The following FBLN1 variants were observed in gnomAD, a reference collection of about 807,000 sequenced individuals.
FBLN1 encodes the protein fibulin 1.
FBLN1 carries 34 observed loss-of-function variants against 89.7 expected under a neutral mutation model. The observed-to-expected ratio is 0.38, with a 90% CI of 0.29 to 0.50. The LOEUF is 0.50. Ranked by LOEUF, FBLN1 falls within the 20% of genes least tolerant of loss-of-function variation. The probability of loss-of-function intolerance (pLI) is 0.92; values close to 1 mark genes in which losing one functional copy is unlikely to be tolerated. For synonymous variants in FBLN1, 393 were observed against 391.3 expected (o/e 1.00, Z -0.05); for missense variants, 777 against 988.1 (o/e 0.79, Z 2.86).
intron 8 of FBLN1, 91 bp from the exon 9 acceptor site, chr22:45,541,138 T>A: frequency 6.5e-7 from 1 of 1,537,298 alleles, no homozygotes; most frequent in Non-Finnish European, 9.0e-7. Flanking sequence ...TGCAAAGAGG[T>A]GGGAAGGGGA....
rs2088666315 is a variant in FBLN1 at position 45,548,888 on chromosome 22, A to G, written c.1573+144A>G. ...GAATGCATTCAGGAAAAGGAGGCCCACCCCATCCAAGGGGTGTCCTGGGGT... is the reference window on the plus strand; with the variant it reads ...GAATGCATTCAGGAAAAGGAGGCCCGCCCCATCCAAGGGGTGTCCTGGGGT... On this transcript the variant is annotated intron_variant, in intron 13 of 16. Coordinates refer to ENST00000327858, the MANE Select transcript of FBLN1 (RefSeq NM_006486.3). 2.1e-5 allele frequency: 28 copies of G among 1,333,792 alleles called. No individual in the cohort carries two copies. In the South Asian group the frequency reaches 2.6e-4, roughly 12 times the overall value. 82.6% of individuals were successfully genotyped at this position (1,333,792 alleles called of 1,614,324 possible).
intron 14 of FBLN1, chr22:45,565,891 G>A (rs8141789): frequency 0.061 from 9,421 of 154,046 alleles, 963 homozygotes; most frequent in African/African-American, 0.21. Flanking sequence ...GAGAAACCCC[G>A]TCTCTACCAA....
intron 1 of FBLN1, among the ~76,000 whole-genome samples, chr22:45,506,619 G>A (rs1379117880): frequency 6.6e-6 from 1 of 152,206 alleles, no homozygotes; most frequent in African/African-American, 2.4e-5. Flanking sequence ...GAGGATGGGG[G>A]AAAGGGTGTT....
At chr22:45,519,791 G>A (rs1039871478) in intron 2 of FBLN1, among the ~76,000 whole-genome samples, 1 of 152,210 alleles carries the variant, frequency 6.6e-6, no homozygotes, top group Admixed American at 6.5e-5. Flanking sequence ...GGCTGGGGAG[G>A]TGGACCAACC....
intron 14 of FBLN1, among the ~76,000 whole-genome samples, chr22:45,568,528 T>TCTTCTGTAGGGGAGTGCTC (rs1569260098): frequency 2.6e-5 from 3 of 116,218 alleles, no homozygotes; most frequent in East Asian, 2.5e-4. Flanking sequence ...GGGGAATGCC[T>TCTTCTGTAGGGGAGTGCTC]CTTCTGTAGG....
In FBLN1 at chr22:45,530,297, C is replaced by G. The variant is rs189016712; in HGVS notation, c.485-968C>G. Among the ~76,000 whole-genome samples the G allele has an allele frequency of 6.6e-5, 10 of 151,962 alleles. No homozygotes were observed. Among genetic ancestry groups the G allele is most frequent in the Non-Finnish European group, 1.2e-4 (8 of 68,000 alleles). Reference sequence around the variant, plus strand: ...GATTTTCACTGATTTATGTCTGCAGCGTGAGCAGTCTCTGGGCTTTTCTGC... The same window carrying G: ...GATTTTCACTGATTTATGTCTGCAGGGTGAGCAGTCTCTGGGCTTTTCTGC... On this transcript the variant is annotated intron_variant, in intron 4 of 16. Transcript: ENST00000327858. The surrounding 1 kb of genome is among the most constrained non-coding windows in gnomAD (Gnocchi z 5.4).
In FBLN1 at chr22:45,550,235, T is replaced by C. The variant is rs1030345492; in HGVS notation, c.1574-257T>C. Among the ~76,000 whole-genome samples, 4 of 152,232 alleles carry C rather than the reference T, an allele frequency of 2.6e-5. No individual in the cohort carries two copies. The highest frequency in any genetic ancestry group is 6.5e-5 in the Admixed American group (1 of 15,280). On this transcript the variant is annotated intron_variant, in intron 13 of 16. Coordinates refer to ENST00000327858, the MANE Select transcript of FBLN1 (RefSeq NM_006486.3). This position sits in a 1 kb window ranked among gnomAD's most constrained non-coding sequence, Gnocchi z 8.4. ...TGCGAGGTACTCCCAGGACCCATCA[T>C]GTAGTGTTTACTTTTACCATCGTCA...
intron 14 of FBLN1, among the ~76,000 whole-genome samples, chr22:45,569,436 C>G (rs138205009): frequency 6.6e-6 from 1 of 152,066 alleles, no homozygotes; most frequent in Non-Finnish European, 1.5e-5. Context: ...GTCAAGAGTT[C>G]GAGACCAGCC....
intron 2 of FBLN1, among the ~76,000 whole-genome samples, chr22:45,520,097 G>C (rs2088229291): frequency 6.6e-6 from 1 of 152,214 alleles, no homozygotes; most frequent in Non-Finnish European, 1.5e-5. Flanking sequence ...TTGAACCCGG[G>C]AAGCGGAGGT....
intron 1 of FBLN1, among the ~76,000 whole-genome samples, chr22:45,513,107 C>T (rs1040507252): frequency 7.9e-5 from 12 of 152,128 alleles, no homozygotes; most frequent in Non-Finnish European, 1.6e-4. Flanking sequence ...TAAATTAATT[C>T]GCTTGACACT....
chr22:45,567,075 G>T (rs1267282045), intron 14 of FBLN1, among the ~76,000 whole-genome samples: 1 of 152,234 alleles, frequency 6.6e-6, no homozygotes, highest in Admixed American at 6.5e-5. Context: ...TTCCACAGCT[G>T]GTTTCCAGTG....
Position 45,600,738 on chromosome 22 carries a change from A to T in FBLN1, c.*292A>T. 1 of 456,068 alleles carries T rather than the reference A, an allele frequency of 2.2e-6. No homozygotes were observed. The highest frequency in any genetic ancestry group is 4.0e-6 in the Non-Finnish European group (1 of 247,452). The allele number at this position is 456,068 out of a possible 1,614,324, so 28.3% of individuals were successfully genotyped here. A position where few individuals can be genotyped will look rare whatever the true frequency, so the allele number is the denominator to read the frequency against. ...CTCTGGCTGGGCCTTGCTAAGGGCC[A>T]AGGAAAGAAAGACATTTTTTAGGGG... On this transcript the variant is annotated 3_prime_UTR_variant, in exon 17 of 17. Coordinates refer to ENST00000327858, the MANE Select transcript of FBLN1 (RefSeq NM_006486.3).
intron 16 of FBLN1, among the ~76,000 whole-genome samples, chr22:45,595,926 A>G (rs566819244): frequency 7.2e-5 from 11 of 152,222 alleles, no homozygotes; most frequent in African/African-American, 1.9e-4. Flanking sequence ...CTAGAGTGCA[A>G]TGGCGCGATC....
intron 1 of FBLN1, among the ~76,000 whole-genome samples, chr22:45,507,709 G>T (rs1602156840): frequency 6.6e-6 from 1 of 152,180 alleles, no homozygotes; most frequent in East Asian, 1.9e-4. Context: ...TGTATTTTTA[G>T]TAGAGATGTA....
chr22:45,527,821 T>TCTGGGATCTCCAC, intron 3 of FBLN1, 26 bp from the exon 4 acceptor site: 1 of 1,612,964 alleles, frequency 6.2e-7, no homozygotes, highest in Non-Finnish European at 8.5e-7. Context: ...CGCTCCTCCA[T>TCTGGGATCTCCAC]CTGGGATCTC....
intron 2 of FBLN1, among the ~76,000 whole-genome samples, chr22:45,520,610 A>C (rs1373556959): frequency 6.6e-6 from 1 of 152,188 alleles, no homozygotes; most frequent in Non-Finnish European, 1.5e-5. Context: ...AATTTAGCCC[A>C]TAATAGGGAG....
rs1602187350 is a variant in FBLN1, at chr22:45,537,570, A to G, written c.922+2233A>G. 6.6e-6 allele frequency among the ~76,000 whole-genome samples: 1 copy of G among 152,176 alleles called. No homozygotes were observed. The highest frequency in any genetic ancestry group is 3.4e-3 in the Middle Eastern group (1 of 294). ...AGGAGGTGGAGGTTGTAGTGAGCCAAGATCGTGCCACTGCACTCCAGCCTG... is the reference window on the plus strand; with the variant it reads ...AGGAGGTGGAGGTTGTAGTGAGCCAGGATCGTGCCACTGCACTCCAGCCTG... On this transcript the variant is annotated intron_variant, in intron 8 of 16. Transcript: ENST00000327858. This position sits in a 1 kb window ranked among gnomAD's most constrained non-coding sequence, Gnocchi z 5.7.
rs188874858 is a variant in FBLN1, at chr22:45,545,785, G to C, written c.1322-1300G>C. Among the ~76,000 whole-genome samples the C allele has an allele frequency of 6.0e-4, 91 of 152,276 alleles. No homozygotes were observed. Among genetic ancestry groups the C allele is most frequent in the African/African-American group, 2.0e-3 (84 of 41,550 alleles). ...ATAGTATAGATTTAAGGCTTTTCCA[G>C]CCACAATCTCTGTTGCAACCGCTGA... On this transcript the variant is annotated intron_variant, in intron 11 of 16. Transcript: ENST00000327858. The surrounding 1 kb of genome is among the most constrained non-coding windows in gnomAD (Gnocchi z 5.9).
intron 1 of FBLN1, among the ~76,000 whole-genome samples, chr22:45,505,492 G>C (rs2088006951): frequency 6.6e-6 from 1 of 152,218 alleles, no homozygotes; most frequent in Non-Finnish European, 1.5e-5. Context: ...CCCGCTCCTG[G>C]CCCTGCTGAG....
Sources: allele counts gnomAD v4.1 joint callset (sites outside exome capture counted in the v4.1 genomes callset), GRCh38; gene constraint gnomAD v4.1.1; non-coding constraint Gnocchi (gnomAD v3.1); transcripts MANE v1.5; gene names NCBI Gene and HGNC (gene_info 2026-07-23, HGNC 2026-07-21).